Variants in RMND5B observed in about 807,000 individuals in gnomAD.
RMND5B encodes the protein E3 ubiquitin-protein transferase RMND5B.
Under a neutral mutation model 50.4 loss-of-function variants are expected in RMND5B, and 42 were observed. The observed-to-expected ratio is 0.83, with a 90% CI of 0.65 to 1.08. RMND5B has a LOEUF of 1.08. RMND5B is among the 50% of genes least tolerant of loss of function. RMND5B has a pLI of 0.00. For missense variants in RMND5B, 463 were observed against 508.5 expected, an observed-to-expected ratio of 0.91 and a Z score of 0.86; for synonymous variants, 220 against 210.0, an observed-to-expected ratio of 1.05 and a Z score of -0.41.
intron 8 of RMND5B, chr5:178,147,058 CT>C (rs143833363): frequency 9.9e-4 from 178 of 179,758 alleles, no homozygotes; most frequent in Non-Finnish European, 1.6e-3. Context: ...TATTCAGCAC[CT>C]GAGGTTCCAG....
intron 2 of RMND5B, among the ~76,000 whole-genome samples, chr5:178,133,062 G>A (rs7733574): frequency 0.77 from 117,171 of 151,414 alleles, 45,442 homozygotes; most frequent in Middle Eastern, 0.84. Context: ...ACAGGGTTTC[G>A]CCATGTTGGT....
At chr5:178,135,654 C>T (rs921375047) in intron 2 of RMND5B, among the ~76,000 whole-genome samples, 1 of 152,190 alleles carries the variant, frequency 6.6e-6, no homozygotes, top group South Asian at 2.1e-4. Flanking sequence ...CAATCCCGTA[C>T]CCATCTCCTT....
intron 3 of RMND5B, chr5:178,141,669 C>T (rs1396047275): frequency 6.6e-6 from 1 of 152,036 alleles, no homozygotes; most frequent in Non-Finnish European, 1.5e-5. Flanking sequence ...ATTAGCCAGT[C>T]TCATAACTCG....
At chr5:178,146,525 T>C in intron 8 of RMND5B, 1 of 474,036 alleles carries the variant, frequency 2.1e-6, no homozygotes, top group East Asian at 3.5e-5. Flanking sequence ...TAAGGTCTCC[T>C]GAATGAGGTC....
rs570638297 is a variant in RMND5B, at chr5:178,148,747, G to C, written c.*715G>C. ...GCGGGGAGCTTAGATGTCAGACCCC[G>C]GGCAAGGTGCTTTTACATATACCCA... On this transcript the variant is annotated 3_prime_UTR_variant, in exon 11 of 11. Coordinates refer to ENST00000313386, the MANE Select transcript of RMND5B (RefSeq NM_022762.5). 6.5e-6 allele frequency: 1 copy of C among 152,880 alleles called. No individual in the cohort carries two copies. Among genetic ancestry groups the C allele is most frequent in the African/African-American group, 2.4e-5 (1 of 41,424 alleles). The allele number at this position is 152,880 out of a possible 1,614,324, so 9.5% of individuals were successfully genotyped here.
Position 178,138,087 on chromosome 5 carries a change from G to C in RMND5B, c.-12-21G>C. Reference sequence around the variant, plus strand: ...TGCCACCGTGGCCCAGATGGGGCCTGACCCAGCTGACCCTCCCCAGGCTGA... The same window carrying C: ...TGCCACCGTGGCCCAGATGGGGCCTCACCCAGCTGACCCTCCCCAGGCTGA... On this transcript the variant is annotated intron_variant, in intron 2 of 10. Transcript: ENST00000313386. This position sits in a 1 kb window ranked among gnomAD's most constrained non-coding sequence, Gnocchi z 5.1. 6.4e-7 allele frequency: 1 copy of C among 1,559,780 alleles called. No individual in the cohort carries two copies. The highest frequency in any genetic ancestry group is 8.7e-7 in the Non-Finnish European group (1 of 1,152,520).
In RMND5B at chr5:178,132,490, A is replaced by G. The variant is rs115952727; in HGVS notation, c.-13+1114A>G. On this transcript the variant is annotated intron_variant, in intron 2 of 10. Coordinates refer to ENST00000313386, the MANE Select transcript of RMND5B (RefSeq NM_022762.5). ...CCAGGTGTGGTGGGGAGAGAGGGGAAGAATAGGGACAAAAGGGAATACATA... is the reference window on the plus strand; with the variant it reads ...CCAGGTGTGGTGGGGAGAGAGGGGAGGAATAGGGACAAAAGGGAATACATA... 3.9e-3 allele frequency among the ~76,000 whole-genome samples: 599 copies of G among 152,060 alleles called. 5 individuals are homozygous for G. The highest frequency in any genetic ancestry group is 0.014 in the African/African-American group (576 of 41,482).
At chr5:178,136,514 AAC>A (rs1176503733) in intron 2 of RMND5B, among the ~76,000 whole-genome samples, 1 of 152,140 alleles carries the variant, frequency 6.6e-6, no homozygotes, top group Non-Finnish European at 1.5e-5. Context: ...AAAGGGAAGA[AAC>A]ACAGCCCCCA....
chr5:178,139,710 A>ATTTTTTTT (rs113719288), intron 3 of RMND5B, among the ~76,000 whole-genome samples: 1 of 129,900 alleles, frequency 7.7e-6, no homozygotes, highest in Non-Finnish European at 1.6e-5. Flanking sequence ...TGCCTGGCTA[A>ATTTTTTTT]TTTTTTTTTT....
At position 178,150,173 on chromosome 5, in the gene RMND5B, C is replaced by G; in HGVS notation, c.*2141C>G. On this transcript the variant is annotated 3_prime_UTR_variant, in exon 11 of 11. Transcript: ENST00000313386. ...AAGGACAGCTACAGGTCCCTCTGAG[C>G]CTAAACCCACCTAACCGGACTAACA... The G allele has an allele frequency of 3.9e-6, 1 of 254,326 alleles. No homozygotes were observed. Among genetic ancestry groups the G allele is most frequent in the Non-Finnish European group, 7.7e-6 (1 of 129,514 alleles). 15.8% of individuals were successfully genotyped at this position (254,326 alleles called of 1,614,324 possible). A position where few individuals can be genotyped will look rare whatever the true frequency, so the allele number is the denominator to read the frequency against.
chr5:178,146,005 G>C lies in RMND5B; in HGVS notation c.695-109G>C, dbSNP rs1049610005. The C allele has an allele frequency of 9.5e-6, 11 of 1,161,690 alleles. No homozygotes were observed. The African/African-American group carries it at 1.5e-4, about 16-fold the overall frequency. 72.0% of individuals were successfully genotyped at this position (1,161,690 alleles called of 1,614,324 possible). ...CTGCTCAGTCTCCTCAGGGGCTTGGGAGCCACCGGGCTCAGCATATTGTGC... is the reference window on the plus strand; with the variant it reads ...CTGCTCAGTCTCCTCAGGGGCTTGGCAGCCACCGGGCTCAGCATATTGTGC... On this transcript the variant is annotated intron_variant, in intron 7 of 10. Coordinates refer to ENST00000313386, the MANE Select transcript of RMND5B (RefSeq NM_022762.5).
chr5:178,139,545 A>AT (rs35774978), intron 3 of RMND5B, among the ~76,000 whole-genome samples: 43,409 of 139,554 alleles, frequency 0.31, 7,216 homozygotes, highest in African/African-American at 0.42. Context: ...TGTCCCAGGA[A>AT]TTTTTTTTTT....
At chr5:178,143,856 A>G (rs1755826470) in intron 6 of RMND5B, 86 bp from the exon 7 acceptor site, 15 of 1,531,502 alleles carry the variant, frequency 9.8e-6, no homozygotes, top group Non-Finnish European at 1.4e-5. Context: ...AGCCTCACAC[A>G]GGCTTTTGGG....
Position 178,136,609 on chromosome 5 carries a change from C to T in RMND5B, c.-12-1499C>T, listed in dbSNP as rs996054646. ...TACAGATGGGTCAAGGTGCTGAGGCCGGGACTCATGCTGGTGGGAATGAGG... is the reference window on the plus strand; with the variant it reads ...TACAGATGGGTCAAGGTGCTGAGGCTGGGACTCATGCTGGTGGGAATGAGG... On this transcript the variant is annotated intron_variant, in intron 2 of 10. Coordinates refer to ENST00000313386, the MANE Select transcript of RMND5B (RefSeq NM_022762.5). 4.0e-5 allele frequency among the ~76,000 whole-genome samples: 6 copies of T among 151,640 alleles called. 1 individual carries two copies. The highest frequency in any genetic ancestry group is 4.2e-4 in the South Asian group (2 of 4,786).
chr5:178,147,947 C>G, intron 10 of RMND5B, 22 bp from the exon 11 acceptor site: 1 of 1,614,204 alleles, frequency 6.2e-7, no homozygotes, highest in South Asian at 1.1e-5. Flanking sequence ...CTGAGACGTT[C>G]TCGGTTCTCC....
At chr5:178,146,347 C>A in intron 8 of RMND5B, 68 bp downstream of exon 8, 1 of 1,480,750 alleles carries the variant, frequency 6.8e-7, no homozygotes, top group Non-Finnish European at 9.3e-7. Flanking sequence ...TTGCCAAGGC[C>A]CTGCCATGTG....
Position 178,149,656 on chromosome 5 carries a change from T to C in RMND5B, c.*1624T>C. Reference sequence around the variant, plus strand: ...GGGTGGGCAGGAGGACAGCCAGTCGTCCTGCTGCCAGCCCAATAGCTTCCA... The same window carrying C: ...GGGTGGGCAGGAGGACAGCCAGTCGCCCTGCTGCCAGCCCAATAGCTTCCA... On this transcript the variant is annotated 3_prime_UTR_variant, in exon 11 of 11. Transcript: ENST00000313386. 6.2e-7 allele frequency: 1 copy of C among 1,609,634 alleles called. No homozygotes were observed. The highest frequency in any genetic ancestry group is 2.2e-5 in the East Asian group (1 of 44,798).
rs77087550 is a variant in RMND5B at position 178,142,574 on chromosome 5, T to C, written c.140-9T>C. Reference sequence around the variant, plus strand: ...CCTCCTCTGTGTCCTTATTCCACTTTCTCTGCAGCCCTCCAGGGGACCCCT... The same window carrying C: ...CCTCCTCTGTGTCCTTATTCCACTTCCTCTGCAGCCCTCCAGGGGACCCCT... On this transcript the variant is annotated splice_polypyrimidine_tract_variant and intron_variant, in intron 3 of 10. Transcript: ENST00000313386. 1.7e-3 allele frequency: 2,727 copies of C among 1,604,052 alleles called. 42 individuals carry two copies. The African/African-American group carries it at 0.033, about 20-fold the overall frequency.
intron 3 of RMND5B, chr5:178,141,890 T>C (rs1476136734): frequency 6.6e-6 from 1 of 152,234 alleles, no homozygotes; most frequent in African/African-American, 2.4e-5. Context: ...AATCTCTTTT[T>C]TGTCTCTATA....
Sources: gnomAD v4.1 joint callset for allele counts (sites outside exome capture counted in the v4.1 genomes callset) on GRCh38, gnomAD v4.1.1 for gene constraint, Gnocchi (gnomAD v3.1) non-coding constraint, MANE v1.5 for transcripts, NCBI Gene and HGNC (gene_info 2026-07-23, HGNC 2026-07-21) for gene names.